The following BTRC variants were observed in gnomAD, a reference collection of about 807,000 sequenced individuals.
BTRC encodes the protein beta-transducin repeat containing E3 ubiquitin protein ligase.
Under a neutral mutation model 85.5 loss-of-function variants are expected in BTRC, and 42 were observed. The ratio of observed to expected loss-of-function variants is 0.49; its 90% CI spans 0.38 to 0.64. The LOEUF is 0.64. Among genes scored for constraint, BTRC ranks in the 30% least tolerant of loss-of-function variants. The pLI, the probability that BTRC is intolerant of heterozygous loss-of-function variation, is 0.00. For synonymous variants in BTRC, 255 were observed against 263.3 expected (o/e 0.97, Z 0.30); for missense variants, 594 against 743.5 (o/e 0.80, Z 2.34).
At chr10:101,357,130 A>G (rs1590192746) in intron 1 of BTRC, among the ~76,000 whole-genome samples, 1 of 149,156 alleles carries the variant, frequency 6.7e-6, no homozygotes, top group African/African-American at 2.5e-5. Flanking sequence ...CTCCGTCTCA[A>G]AAAAACAAAC....
chr10:101,375,086 G>C (rs1412505663), intron 1 of BTRC, among the ~76,000 whole-genome samples: 1 of 152,122 alleles, frequency 6.6e-6, no homozygotes, highest in African/African-American at 2.4e-5. Context: ...AGCAAGGGAA[G>C]GTGATATGAT....
chr10:101,542,523 A>G (rs970278853), intron 13 of BTRC, among the ~76,000 whole-genome samples: 1 of 152,126 alleles, frequency 6.6e-6, no homozygotes, highest in Admixed American at 6.5e-5. Flanking sequence ...TATGTCTCCC[A>G]CTATAGTTTT....
At chr10:101,551,259 A>G (rs1248607549) in intron 14 of BTRC, 5 of 163,846 alleles carry the variant, frequency 3.1e-5, no homozygotes, top group African/African-American at 1.2e-4. Context: ...AATACCTACA[A>G]TAGAGACCTT....
At chr10:101,464,718 CT>C (rs995951013) in intron 3 of BTRC, among the ~76,000 whole-genome samples, 1 of 152,110 alleles carries the variant, frequency 6.6e-6, no homozygotes, top group Non-Finnish European at 1.5e-5. Context: ...GAGAAATGGC[CT>C]TTAGAAACAG....
chr10:101,526,511 C>T (rs1463326239), intron 6 of BTRC, among the ~76,000 whole-genome samples: 1 of 152,200 alleles, frequency 6.6e-6, no homozygotes, highest in African/African-American at 2.4e-5. Flanking sequence ...GGGCACAGTG[C>T]GTTCACGCCT....
At chr10:101,497,178 A>T (rs1438789685) in intron 4 of BTRC, among the ~76,000 whole-genome samples, 1 of 152,166 alleles carries the variant, frequency 6.6e-6, no homozygotes, top group Non-Finnish European at 1.5e-5. Flanking sequence ...TTCCCATTAT[A>T]CCGGATTGTT....
chr10:101,525,890 C>T (rs1477537300), intron 5 of BTRC, 123 bp from the exon 6 acceptor site: 3 of 926,564 alleles, frequency 3.2e-6, no homozygotes, highest in Admixed American at 2.6e-5. Context: ...AACTGGACCA[C>T]ACTAGGGACA....
intron 1 of BTRC, among the ~76,000 whole-genome samples, chr10:101,357,880 G>A (rs1304497574): frequency 6.6e-6 from 1 of 152,178 alleles, no homozygotes; most frequent in Non-Finnish European, 1.5e-5. Context: ...GAAAGCAACG[G>A]TTTACATTAA....
At chr10:101,515,894 A>G (rs1479135923) in intron 4 of BTRC, among the ~76,000 whole-genome samples, 3 of 152,158 alleles carry the variant, frequency 2.0e-5, no homozygotes, top group African/African-American at 4.8e-5. Context: ...CAAAAAATGT[A>G]TTCTTTTTTA....
At chr10:101,442,296 A>ATGTG (rs139018865) in intron 2 of BTRC, among the ~76,000 whole-genome samples, 199 of 142,094 alleles carry the variant, frequency 1.4e-3, no homozygotes, top group African/African-American at 4.3e-3. Context: ...CTCTGTGTGT[A>ATGTG]TGTGTGTGTG....
At chr10:101,493,338 G>A (rs940744125) in intron 4 of BTRC, among the ~76,000 whole-genome samples, 2 of 152,166 alleles carry the variant, frequency 1.3e-5, no homozygotes, top group Non-Finnish European at 2.9e-5. Flanking sequence ...GATGTACTAG[G>A]CATATACATT....
intron 4 of BTRC, among the ~76,000 whole-genome samples, chr10:101,512,198 C>T (rs1300150101): frequency 6.6e-6 from 1 of 152,172 alleles, no homozygotes; most frequent in Non-Finnish European, 1.5e-5. Flanking sequence ...TGTCCTGCCC[C>T]TCCTAGGCTA....
chr10:101,391,836 G>T (rs955550585), intron 1 of BTRC, among the ~76,000 whole-genome samples: 2 of 152,094 alleles, frequency 1.3e-5, no homozygotes, highest in South Asian at 2.1e-4. Context: ...TGTGTAAATT[G>T]TGTCCAGATA....
At chr10:101,436,383 G>A (rs188760899) in intron 2 of BTRC, among the ~76,000 whole-genome samples, 1 of 152,152 alleles carries the variant, frequency 6.6e-6, no homozygotes, top group African/African-American at 2.4e-5. Context: ...GGTGATGCAC[G>A]CTTATAATCT....
chr10:101,365,373 CT>C (rs1253340948), intron 1 of BTRC, among the ~76,000 whole-genome samples: 97 of 141,578 alleles, frequency 6.9e-4, no homozygotes, highest in South Asian at 9.0e-4. Context: ...GCGCTTGGCC[CT>C]TTTTTTTTTT....
In BTRC at chr10:101,529,597, G is replaced by C. The variant is rs1247989506; in HGVS notation, c.744-1640G>C. Among the ~76,000 whole-genome samples, 4 of 152,126 alleles carry C rather than the reference G, an allele frequency of 2.6e-5. No individual in the cohort carries two copies. The East Asian group carries it at 7.7e-4, about 29-fold the overall frequency. ...CTGGAATTCTTTCATAACGCATCTT[G>C]TTTCCCCTTTTGTTTATGCTGGTGT... On this transcript the variant is annotated intron_variant, in intron 6 of 14. Coordinates refer to ENST00000370187, the MANE Select transcript of BTRC (RefSeq NM_033637.4).
chr10:101,381,584 G>A (rs1942928948), intron 1 of BTRC, among the ~76,000 whole-genome samples: 1 of 152,058 alleles, frequency 6.6e-6, no homozygotes, highest in South Asian at 2.1e-4. Context: ...TTTTTGGTGG[G>A]TGAGGGATGT....
At chr10:101,372,379 C>T (rs1381371710) in intron 1 of BTRC, among the ~76,000 whole-genome samples, 4 of 150,550 alleles carry the variant, frequency 2.7e-5, no homozygotes, top group South Asian at 2.1e-4. Context: ...GCCTCAGCCT[C>T]GAGTAGCTGG....
chr10:101,536,317 C>T (rs1032421526), intron 11 of BTRC, among the ~76,000 whole-genome samples: 1 of 152,182 alleles, frequency 6.6e-6, no homozygotes, highest in African/African-American at 2.4e-5. Flanking sequence ...ATGTAAAGCC[C>T]TGTGCTTTGA....
Sources: gnomAD v4.1 joint callset for allele counts (sites outside exome capture counted in the v4.1 genomes callset) on GRCh38, gnomAD v4.1.1 for gene constraint, MANE v1.5 for transcripts, NCBI Gene and HGNC (gene_info 2026-07-23, HGNC 2026-07-21) for gene names.